HS1BP3: variants seen among roughly 807,000 people sequenced by gnomAD.
HS1BP3 encodes HCLS1-binding protein 3.
HS1BP3 carries 32 observed loss-of-function variants against 33.5 expected under a neutral mutation model. That is an observed-to-expected ratio of 0.95 (90% CI 0.72 to 1.28). The LOEUF is 1.28. HS1BP3 is among the 50% of genes most tolerant of loss of function. The pLI is 0.00. For missense variants in HS1BP3, 486 were observed against 502.3 expected (o/e 0.97, Z 0.31); for synonymous variants, 187 against 209.2 (o/e 0.89, Z 0.92).
At chr2:20,559,321 C>T (rs561418624), downstream of HS1BP3, among the ~76,000 whole-genome samples, 49 of 152,382 alleles carry the variant, frequency 3.2e-4, no homozygotes, top group South Asian at 8.9e-3. Flanking sequence ...ATCTGACTCC[C>T]GCTGTCACTG....
intron 1 of HS1BP3, among the ~76,000 whole-genome samples, 200 bp downstream of exon 1, chr2:20,650,832 C>T (rs548543259): frequency 6.6e-6 from 1 of 152,322 alleles, no homozygotes; most frequent in Non-Finnish European, 1.5e-5. Flanking sequence ...TCCAGAGGGC[C>T]TCGGTTTCCT....
intron 6 of HS1BP3, 128 bp from the exon 7 acceptor site, chr2:20,619,373 G>A: frequency 6.4e-6 from 5 of 785,954 alleles, no homozygotes; most frequent in Non-Finnish European, 1.0e-5. Flanking sequence ...GCCAGGTCAA[G>A]GCCCCGCCCT....
At chr2:20,616,081 G>C (rs1694418774), downstream of HS1BP3, among the ~76,000 whole-genome samples, 1 of 152,198 alleles carries the variant, frequency 6.6e-6, no homozygotes, top group Non-Finnish European at 1.5e-5. Context: ...CCTGTCCATG[G>C]GCTCACAACA....
intron 5 of HS1BP3, among the ~76,000 whole-genome samples, chr2:20,579,479 T>C (rs1339662121): frequency 6.6e-6 from 1 of 152,222 alleles, no homozygotes; most frequent in Non-Finnish European, 1.5e-5. Flanking sequence ...CCTGCATGAC[T>C]CATCAGTTGG....
chr2:20,618,698 G>A lies in HS1BP3; in HGVS notation c.*289C>T, dbSNP rs3732151. The A allele has an allele frequency of 0.29, 349,183 of 1,219,876 alleles. 52,944 individuals carry two copies. The highest frequency in any genetic ancestry group is 0.59 in the East Asian group (16,143 of 27,214). 75.6% of individuals were successfully genotyped at this position (1,219,876 alleles called of 1,614,324 possible). ...GCTTCATCCTTGGGGCTGGGCTTCT[G>A]GTTGGCAAGGCATCCCCACACCCTC... On this transcript the variant is annotated 3_prime_UTR_variant, in exon 7 of 7. Coordinates refer to ENST00000304031, the MANE Select transcript of HS1BP3 (RefSeq NM_022460.4).
intron 3 of HS1BP3, among the ~76,000 whole-genome samples, chr2:20,596,075 C>G (rs1238418271): frequency 1.3e-5 from 2 of 152,158 alleles, no homozygotes. Flanking sequence ...CTCCTTAGGG[C>G]ACAGTAGCTT....
At chr2:20,600,841 T>C (rs1694056554) in intron 2 of HS1BP3, among the ~76,000 whole-genome samples, 1 of 152,174 alleles carries the variant, frequency 6.6e-6, no homozygotes, top group Non-Finnish European at 1.5e-5. Flanking sequence ...AATATATATT[T>C]CTCTTGTATT....
chr2:20,606,121 C>CA (rs376588783), intron 2 of HS1BP3, among the ~76,000 whole-genome samples: 190 of 144,358 alleles, frequency 1.3e-3, no homozygotes, highest in South Asian at 4.6e-3. Flanking sequence ...ATTTTTCTTT[C>CA]AAAAAAAAAA....
chr2:20,554,732 C>A, the HS1BP3 span, among the ~76,000 whole-genome samples: 1 of 149,128 alleles, frequency 6.7e-6, no homozygotes, highest in Non-Finnish European at 1.5e-5. Flanking sequence ...AGCACTCAGA[C>A]AGGGTTTGGA....
chr2:20,567,075 G>A (rs1283008296), intron 5 of HS1BP3, among the ~76,000 whole-genome samples: 1 of 152,114 alleles, frequency 6.6e-6, no homozygotes, highest in Non-Finnish European at 1.5e-5. Context: ...AAGCCACCCT[G>A]CTCACCATCA....
intron 5 of HS1BP3, among the ~76,000 whole-genome samples, chr2:20,561,560 T>TAC (rs879410398): frequency 6.6e-6 from 1 of 151,866 alleles, no homozygotes; most frequent in East Asian, 1.9e-4. Context: ...TGCACACACA[T>TAC]ACACACACAC....
intron 4 of HS1BP3, chr2:20,634,868 G>C (rs1241760132): frequency 6.6e-6 from 1 of 152,258 alleles, no homozygotes; most frequent in Non-Finnish European, 1.5e-5. Context: ...ACAGCACGGG[G>C]ACCCGGGTGT....
In HS1BP3 at chr2:20,638,498, C is replaced by T. The variant is rs1275718450; in HGVS notation, c.561G>A (p.Lys187=). 2 of 1,614,266 alleles carry T rather than the reference C, an allele frequency of 1.2e-6. No individual in the cohort carries two copies. The highest frequency in any genetic ancestry group is 1.7e-6 in the Non-Finnish European group (2 of 1,180,046). ...CCAAGGATTCCTCAGCATCCTCGCC[C>T]TTCAGGCTCTGGACGGGCGGACCCT... The part of the protein sequence containing the change: ...AEEGPPVQSL[K]GEDAEESLEE... The change falls in exon 4 of 7, where the codon AAG becomes AAA. Residue 187 remains lysine, a synonymous_variant. Coordinates refer to ENST00000304031, the MANE Select transcript of HS1BP3 (RefSeq NM_022460.4).
At chr2:20,566,144 C>T (rs1447303341) in intron 5 of HS1BP3, among the ~76,000 whole-genome samples, 1 of 152,260 alleles carries the variant, frequency 6.6e-6, no homozygotes, top group Non-Finnish European at 1.5e-5. Context: ...CAGCTTTGCC[C>T]CATCCCGGCA....
intron 5 of HS1BP3, among the ~76,000 whole-genome samples, chr2:20,577,603 C>T (rs549474387): frequency 1.6e-4 from 25 of 152,158 alleles, no homozygotes; most frequent in Middle Eastern, 3.2e-3. Flanking sequence ...AGGGGCACCT[C>T]CCAGCACCGC....
intron 1 of HS1BP3, among the ~76,000 whole-genome samples, chr2:20,646,888 A>G (rs1267470751): frequency 4.6e-5 from 7 of 152,182 alleles, no homozygotes; most frequent in Non-Finnish European, 5.9e-5. Context: ...AGACCCACTT[A>G]AAATACAGGG....
intron 4 of HS1BP3, 65 bp from the exon 5 acceptor site, chr2:20,624,957 A>G: frequency 1.3e-6 from 2 of 1,576,520 alleles, no homozygotes; most frequent in Non-Finnish European, 1.7e-6. Context: ...GTCCGGTCAG[A>G]CCGACACAGG....
chr2:20,579,224 C>T (rs1218317777), intron 5 of HS1BP3, among the ~76,000 whole-genome samples: 1 of 152,252 alleles, frequency 6.6e-6, no homozygotes, highest in Non-Finnish European at 1.5e-5. Context: ...GCACAGGAGC[C>T]TTTTCCTCCA....
intron 2 of HS1BP3, among the ~76,000 whole-genome samples, chr2:20,642,008 T>A (rs1335935539): frequency 6.6e-6 from 1 of 152,240 alleles, no homozygotes; most frequent in African/African-American, 2.4e-5. Flanking sequence ...ACCTGCTGTA[T>A]ACACACACCA....
Sources: allele counts gnomAD v4.1 joint callset (sites outside exome capture counted in the v4.1 genomes callset), GRCh38; gene constraint gnomAD v4.1.1; transcripts MANE v1.5; gene names NCBI Gene and HGNC (gene_info 2026-07-23, HGNC 2026-07-21).